PPHLN1: variants seen among roughly 807,000 people sequenced by gnomAD.
PPHLN1 encodes the protein periphilin 1.
In PPHLN1, 29 loss-of-function variants were observed where a neutral mutation model predicts 51.3. That is an observed-to-expected ratio of 0.57 (90% CI 0.42 to 0.77). The LOEUF is 0.77. Among genes scored for constraint, PPHLN1 ranks in the 30% least tolerant of loss-of-function variants. The probability of loss-of-function intolerance (pLI) is 0.00; values close to 1 mark genes in which losing one functional copy is unlikely to be tolerated. For synonymous variants in PPHLN1, 147 were observed against 147.8 expected, an observed-to-expected ratio of 0.99 and a Z score of 0.04; for missense variants, 436 against 438.4, an observed-to-expected ratio of 0.99 and a Z score of 0.05.
At chr12:42,398,717 T>C in intron 8 of PPHLN1, 137 bp from the exon 9 acceptor site, 1 of 676,264 alleles carries the variant, frequency 1.5e-6, no homozygotes, top group Non-Finnish European at 2.3e-6. Context: ...CATAGTGAAA[T>C]GGAGAGAGTT....
intron 2 of PPHLN1, among the ~76,000 whole-genome samples, chr12:42,344,743 C>G (rs527513127): frequency 4.5e-5 from 6 of 133,762 alleles, no homozygotes; most frequent in Non-Finnish European, 6.2e-5. Context: ...GAGTCTTGCT[C>G]TGTTGCCCAG....
chr12:42,378,013 C>T (rs977028129), intron 5 of PPHLN1, among the ~76,000 whole-genome samples: 1 of 152,116 alleles, frequency 6.6e-6, no homozygotes, highest in Admixed American at 6.5e-5. Flanking sequence ...AGTTGGTAGA[C>T]TAAAATATGG....
intron 5 of PPHLN1, among the ~76,000 whole-genome samples, chr12:42,375,580 G>A (rs766891636): frequency 6.6e-6 from 1 of 152,114 alleles, no homozygotes; most frequent in Non-Finnish European, 1.5e-5. Flanking sequence ...AAAGTGGTGG[G>A]ATTACAGGTG....
chr12:42,333,455 T>C (rs1295621787), intron 1 of PPHLN1, among the ~76,000 whole-genome samples: 1 of 151,878 alleles, frequency 6.6e-6, no homozygotes, highest in Non-Finnish European at 1.5e-5. Context: ...CAATTATACT[T>C]CCTTTTTTTT....
intron 9 of PPHLN1, chr12:42,399,251 A>G (rs968373384): frequency 5.0e-6 from 5 of 993,120 alleles, no homozygotes; most frequent in Non-Finnish European, 6.2e-6. Flanking sequence ...GTATGAAGCA[A>G]TTAAAAATTA....
At chr12:42,340,275 G>T (rs999974895) in intron 2 of PPHLN1, among the ~76,000 whole-genome samples, 1 of 145,768 alleles carries the variant, frequency 6.9e-6, no homozygotes, top group Admixed American at 7.0e-5. Context: ...GTGCCACTGC[G>T]TTGAAGCCTG....
At chr12:42,392,164 C>T (rs2077781900) in intron 7 of PPHLN1, among the ~76,000 whole-genome samples, 1 of 152,082 alleles carries the variant, frequency 6.6e-6, no homozygotes, top group Non-Finnish European at 1.5e-5. Context: ...TGCAGTGAGC[C>T]GAGATCGCGG....
In PPHLN1 at chr12:42,393,444, T is replaced by C. The variant is rs2077909715; in HGVS notation, c.649-126T>C. ...TATTTTTGAAGGAGGAAATAAAGAA[T>C]GTACCTGTTCTCCATAGAAATTTGG... On this transcript the variant is annotated intron_variant, in intron 7 of 9. Transcript: ENST00000358314. The C allele has an allele frequency of 1.0e-5, 9 of 878,178 alleles. No individual in the cohort carries two copies. In the South Asian group the frequency reaches 2.0e-4, roughly 19 times the overall value. The allele number at this position is 878,178 out of a possible 1,614,324, so 54.4% of individuals were successfully genotyped here. A position where few individuals can be genotyped will look rare whatever the true frequency, so the allele number is the denominator to read the frequency against.
intron 8 of PPHLN1, among the ~76,000 whole-genome samples, chr12:42,394,995 A>T (rs958829816): frequency 6.6e-6 from 1 of 152,120 alleles, no homozygotes; most frequent in Non-Finnish European, 1.5e-5. Context: ...ATTTATGAAC[A>T]TTAATAGTAT....
At chr12:42,342,229 GCATT>G (rs140038754) in intron 2 of PPHLN1, among the ~76,000 whole-genome samples, 17,468 of 151,758 alleles carry the variant, frequency 0.12, 1,271 homozygotes, top group African/African-American at 0.2. Flanking sequence ...TGACAGAATG[GCATT>G]CATTCATTCA....
At chr12:42,375,269 G>T in intron 5 of PPHLN1, 195 bp downstream of exon 5, 1 of 430,178 alleles carries the variant, frequency 2.3e-6, no homozygotes, top group Non-Finnish European at 4.1e-6. Context: ...TATTTGAAGT[G>T]GCATTCTGCA....
chr12:42,393,570 G>C lies in PPHLN1; in HGVS notation c.649G>C (p.Val217Leu). The change falls in exon 8 of 10, where the codon GTG (valine) becomes CTG (leucine). Residue 217 changes from valine to leucine, a missense_variant and splice_region_variant. By Grantham distance (32) the Val-to-Leu change is conservative (BLOSUM62 1). Transcript: ENST00000358314. ...AACAGAAATGTTCTATTTTTATTAG[G>C]TGTTAGACAAACCCAGTAGGCTAAC... is the stretch of plus-strand genomic sequence containing the variant. The part of the protein sequence containing the change: ...SSGSAVSSSK[V>L]LDKPSRLTEK... The C allele has an allele frequency of 6.2e-7, 1 of 1,601,948 alleles. No individual in the cohort carries two copies. Among genetic ancestry groups the C allele is most frequent in the Non-Finnish European group, 8.5e-7 (1 of 1,176,328 alleles).
At chr12:42,366,224 CTT>C (rs34689856) in intron 4 of PPHLN1, among the ~76,000 whole-genome samples, 28 of 111,168 alleles carry the variant, frequency 2.5e-4, no homozygotes, top group East Asian at 5.2e-4. Context: ...GTACCGGACA[CTT>C]TTTTTTTTTT....
chr12:42,442,758 C>T (rs560953081), downstream of PPHLN1: 11 of 1,612,240 alleles, frequency 6.8e-6, no homozygotes, highest in Admixed American at 1.7e-5. Flanking sequence ...CATTGGTGCC[C>T]GCTCGGGATT....
chr12:42,415,043 C>T (rs140257017), intron 9 of PPHLN1, among the ~76,000 whole-genome samples: 110 of 152,202 alleles, frequency 7.2e-4, no homozygotes, highest in African/African-American at 2.5e-3. Flanking sequence ...TTATATTTTG[C>T]GGTTGTGAGC....
chr12:42,332,714 A>G (rs778673720), intron 1 of PPHLN1: 19 of 1,446,464 alleles, frequency 1.3e-5, no homozygotes, highest in South Asian at 2.4e-5. Flanking sequence ...TAAGTATAGT[A>G]TAGTAGTATT....
At chr12:42,346,690 ACCAGTCTACATTCCCAC>A (rs1565774953) in intron 2 of PPHLN1, among the ~76,000 whole-genome samples, 1 of 152,120 alleles carries the variant, frequency 6.6e-6, no homozygotes, top group African/African-American at 2.4e-5. Flanking sequence ...TAATGGCTGT[ACCAGTCTACATTCCCAC>A]CAACAATGTA....
At chr12:42,376,014 C>CA (rs1312670658) in intron 5 of PPHLN1, among the ~76,000 whole-genome samples, 1 of 152,046 alleles carries the variant, frequency 6.6e-6, no homozygotes, top group Non-Finnish European at 1.5e-5. Flanking sequence ...AACTTTGATA[C>CA]AATAATTGAT....
chr12:42,340,983 C>CTTT (rs552090682), intron 2 of PPHLN1, among the ~76,000 whole-genome samples: 40 of 131,094 alleles, frequency 3.1e-4, no homozygotes, highest in African/African-American at 5.4e-4. Context: ...TTCTTTCTTT[C>CTTT]TTTTTTTTTT....
Sources: gnomAD v4.1 joint callset for allele counts (sites outside exome capture counted in the v4.1 genomes callset) on GRCh38, gnomAD v4.1.1 for gene constraint, MANE v1.5 for transcripts, NCBI Gene and HGNC (gene_info 2026-07-23, HGNC 2026-07-21) for gene names.